MGAT5: variants seen among roughly 807,000 people sequenced by gnomAD.
MGAT5 encodes the protein alpha-1,6-mannosylglycoprotein 6-beta-N-acetylglucosaminyltransferase.
A neutral mutation model predicts 94.3 loss-of-function variants in MGAT5; 30 were observed. That is an observed-to-expected ratio of 0.32 (90% CI 0.24 to 0.43). MGAT5 has a LOEUF of 0.43. MGAT5 is among the 20% of genes least tolerant of loss of function. MGAT5 has a pLI of 1.00. For synonymous variants in MGAT5, 310 were observed against 322.9 expected, an observed-to-expected ratio of 0.96 and a Z score of 0.43; for missense variants, 691 against 905.5, an observed-to-expected ratio of 0.76 and a Z score of 3.04.
At chr2:134,136,661 T>C (rs1246971322) in intron 1 of MGAT5, among the ~76,000 whole-genome samples, 1 of 152,216 alleles carries the variant, frequency 6.6e-6, no homozygotes, top group Non-Finnish European at 1.5e-5. Flanking sequence ...GTCCTGTGTA[T>C]TTTATTTTAT....
chr2:134,424,991 A>G (rs996798354), intron 13 of MGAT5, among the ~76,000 whole-genome samples: 1 of 152,216 alleles, frequency 6.6e-6, no homozygotes, highest in Non-Finnish European at 1.5e-5. Context: ...GATCACATTC[A>G]CGGGTGCTGG....
chr2:134,284,092 GC>G (rs1684865510), intron 2 of MGAT5, among the ~76,000 whole-genome samples: 1 of 152,166 alleles, frequency 6.6e-6, no homozygotes, highest in South Asian at 2.1e-4. Flanking sequence ...AGATTCATGA[GC>G]TTTTATAAGT....
intron 1 of MGAT5, among the ~76,000 whole-genome samples, chr2:134,180,746 A>G (rs1688695686): frequency 6.6e-6 from 1 of 152,200 alleles, no homozygotes; most frequent in Non-Finnish European, 1.5e-5. Context: ...ACTGTGTGTA[A>G]AATAAGAGAT....
At chr2:134,325,720 G>T (rs1343047866) in intron 4 of MGAT5, among the ~76,000 whole-genome samples, 1 of 152,066 alleles carries the variant, frequency 6.6e-6, no homozygotes, top group African/African-American at 2.4e-5. Context: ...TGGGTTTCCA[G>T]TAAGGACCCT....
chr2:134,443,487 C>G (rs1297105459), intron 15 of MGAT5, among the ~76,000 whole-genome samples: 1 of 152,176 alleles, frequency 6.6e-6, no homozygotes, highest in East Asian at 1.9e-4. Flanking sequence ...CCATCGTGCC[C>G]GGCCCTGGTG....
intron 2 of MGAT5, among the ~76,000 whole-genome samples, chr2:134,296,046 T>C (rs1685653429): frequency 6.6e-6 from 1 of 152,126 alleles, no homozygotes; most frequent in African/African-American, 2.4e-5. Context: ...TTTGTTCTTA[T>C]TTGAATTTTG....
intron 1 of MGAT5, among the ~76,000 whole-genome samples, chr2:134,227,630 A>G (rs76640027): frequency 0.011 from 1,693 of 152,310 alleles, 22 homozygotes; most frequent in African/African-American, 0.037. Flanking sequence ...TTACCTTTGA[A>G]TTGCATTGCC....
At chr2:134,344,717 A>AC (rs1415311204) in intron 7 of MGAT5, among the ~76,000 whole-genome samples, 2 of 152,062 alleles carry the variant, frequency 1.3e-5, no homozygotes, top group East Asian at 3.9e-4. Flanking sequence ...TTTATATGCC[A>AC]CCATTTGCTT....
intron 12 of MGAT5, among the ~76,000 whole-genome samples, chr2:134,414,639 CTTTT>C: frequency 6.6e-6 from 1 of 152,100 alleles, no homozygotes; most frequent in Non-Finnish European, 1.5e-5. Context: ...TTAAGATCTC[CTTTT>C]TTGGCAAATT....
rs1689232395 is a variant in MGAT5 at position 134,189,602 on chromosome 2, G to GTTGTTTTTTTTTT, written c.-142-64658_-142-64657insGTTTTTTTTTTTT. ...AACCTCATGGCTCTAGTTTTTTTTTGTTTTTTTTTTTTTTTTTTAAGACAG... is the reference window on the plus strand; with the variant it reads ...AACCTCATGGCTCTAGTTTTTTTTTGTTGTTTTTTTTTTTTTTTTTTTTTTTTTTTTAAGACAG... On this transcript the variant is annotated intron_variant, in intron 1 of 16. Transcript: ENST00000409645. Among the ~76,000 whole-genome samples, 496 of 84,600 alleles carry GTTGTTTTTTTTTT rather than the reference G, an allele frequency of 5.9e-3. 25 individuals carry two copies. Among genetic ancestry groups the GTTGTTTTTTTTTT allele is most frequent in the African/African-American group, 0.023 (475 of 20,942 alleles). The allele number at this position is 84,600 out of a possible 152,430, so 55.5% of individuals were successfully genotyped here. A position where few individuals can be genotyped will look rare whatever the true frequency, so the allele number is the denominator to read the frequency against.
intron 12 of MGAT5, among the ~76,000 whole-genome samples, chr2:134,416,975 C>T (rs13020271): frequency 0.12 from 18,758 of 151,610 alleles, 1,488 homozygotes; most frequent in East Asian, 0.29. Flanking sequence ...ACACTACTTT[C>T]TTAAGGCTGA....
intron 1 of MGAT5, among the ~76,000 whole-genome samples, chr2:134,264,945 G>A (rs1353626124): frequency 3.3e-5 from 5 of 152,188 alleles, no homozygotes; most frequent in South Asian, 2.1e-4. Flanking sequence ...TGCTCATTGC[G>A]TAGTTGGTTC....
chr2:134,439,024 A>G (rs577043114), intron 14 of MGAT5, among the ~76,000 whole-genome samples: 1 of 152,266 alleles, frequency 6.6e-6, no homozygotes. Context: ...TCCCCTCATC[A>G]TAGGAACACA....
chr2:134,294,961 G>A lies in MGAT5; in HGVS notation c.407-22568G>A, dbSNP rs538639406. Reference sequence around the variant, plus strand: ...CAGCCAATGGAAACTGGACACAGCAGTAAGGTGGACGCGTCAACTTATAAA... The same window carrying A: ...CAGCCAATGGAAACTGGACACAGCAATAAGGTGGACGCGTCAACTTATAAA... On this transcript the variant is annotated intron_variant, in intron 2 of 15. Transcript: ENST00000281923. Among the ~76,000 whole-genome samples, 34 of 152,308 alleles carry A rather than the reference G, an allele frequency of 2.2e-4. 1 individual carries two copies. Among genetic ancestry groups the A allele is most frequent in the Admixed American group, 2.2e-3 (33 of 15,296 alleles).
Position 134,448,862 on chromosome 2 carries a change from GC to G in MGAT5, c.*18del, listed in dbSNP as rs148616593. On this transcript the variant is annotated 3_prime_UTR_variant, in exon 16 of 16. Coordinates refer to ENST00000281923, the MANE Select transcript of MGAT5 (RefSeq NM_002410.5). Reference sequence around the variant, plus strand: ...ACTGCCTATAGCAGCTACCTGCTCAGCCCTGCACCATGCTGCTGGGGAAGAC... The same window carrying G: ...ACTGCCTATAGCAGCTACCTGCTCAGCCTGCACCATGCTGCTGGGGAAGAC... 3.9e-4 allele frequency: 628 copies of G among 1,609,688 alleles called. 2 individuals carry two copies. In the African/African-American group the frequency reaches 7.5e-3, roughly 19 times the overall value.
At chr2:134,242,444 T>G (rs1682023254) in intron 1 of MGAT5, among the ~76,000 whole-genome samples, 1 of 152,224 alleles carries the variant, frequency 6.6e-6, no homozygotes, top group African/African-American at 2.4e-5. Context: ...TCCAGCTTAT[T>G]CAAAAGTAAT....
At chr2:134,192,015 G>A (rs191381711) in intron 1 of MGAT5, among the ~76,000 whole-genome samples, 28 of 145,920 alleles carry the variant, frequency 1.9e-4, no homozygotes, top group Admixed American at 1.9e-3. Context: ...TCCTCCTCGC[G>A]TGAGCGGGTT....
chr2:134,214,727 G>A (rs549277839), intron 1 of MGAT5, among the ~76,000 whole-genome samples: 9 of 152,108 alleles, frequency 5.9e-5, no homozygotes, highest in South Asian at 2.1e-4. Flanking sequence ...GGGTGGGGAG[G>A]AACAAATATT....
At chr2:134,428,502 T>G in intron 14 of MGAT5, 63 bp downstream of exon 14, 1 of 1,439,000 alleles carries the variant, frequency 6.9e-7, no homozygotes, top group South Asian at 1.2e-5. Flanking sequence ...GCCATAGGGC[T>G]CTCAAGAACA....
Sources: allele counts gnomAD v4.1 joint callset (sites outside exome capture counted in the v4.1 genomes callset), GRCh38; gene constraint gnomAD v4.1.1; transcripts MANE v1.5; gene names NCBI Gene and HGNC (gene_info 2026-07-23, HGNC 2026-07-21).